The following COL6A5 variants were observed in gnomAD, a reference collection of about 807,000 sequenced individuals.
COL6A5 encodes collagen alpha-5(VI) chain.
In COL6A5, 48 loss-of-function variants were observed where a neutral mutation model predicts 65.6. That is an observed-to-expected ratio of 0.73 (90% confidence interval 0.58 to 0.93). COL6A5 has a LOEUF of 0.93. Ranked by LOEUF, COL6A5 falls within the 40% of genes least tolerant of loss-of-function variation. COL6A5 has a pLI of 0.00. For missense variants in COL6A5, 914 were observed against 928.3 expected, an observed-to-expected ratio of 0.98 and a Z score of 0.20; for synonymous variants, 291 against 322.8, an observed-to-expected ratio of 0.90 and a Z score of 1.05.
chr3:130,455,160 A>AAC (rs1553758596), intron 4 of COL6A5, among the ~76,000 whole-genome samples: 119 of 151,906 alleles, frequency 7.8e-4, no homozygotes, highest in Admixed American at 1.1e-3. Flanking sequence ...CAAAAAAAAA[A>AAC]AAACAAACAA....
intron 21 of COL6A5, among the ~76,000 whole-genome samples, chr3:130,413,842 T>G (rs563022191): frequency 6.6e-6 from 1 of 151,502 alleles, no homozygotes; most frequent in African/African-American, 2.4e-5. Flanking sequence ...CTGCTCTTCA[T>G]GTGCTTTGGG....
chr3:130,369,243 A>C (rs1935463461), intron 1 of COL6A5, among the ~76,000 whole-genome samples: 1 of 152,204 alleles, frequency 6.6e-6, no homozygotes, highest in Non-Finnish European at 1.5e-5. Flanking sequence ...GGAGAGAAAG[A>C]TAAATTAAAC....
intron 13 of COL6A5, among the ~76,000 whole-genome samples, chr3:130,404,015 A>G (rs921118407): frequency 2.6e-5 from 4 of 151,746 alleles, no homozygotes; most frequent in African/African-American, 9.7e-5. Flanking sequence ...CCTCCTCTCT[A>G]CCCCCAAGCA....
At chr3:130,405,148 A>G (rs1191729314) in intron 13 of COL6A5, among the ~76,000 whole-genome samples, 1 of 152,064 alleles carries the variant, frequency 6.6e-6, no homozygotes, top group Non-Finnish European at 1.5e-5. Flanking sequence ...TCATTCTCCT[A>G]GTAGTGTCAC....
intron 1 of COL6A5, among the ~76,000 whole-genome samples, chr3:130,438,434 A>G (rs1352086029): frequency 6.6e-6 from 1 of 152,174 alleles, no homozygotes; most frequent in African/African-American, 2.4e-5. Flanking sequence ...AATGAAGAGC[A>G]TGGGGTTTAC....
intron 3 of COL6A5, among the ~76,000 whole-genome samples, 159 bp from the exon 36 acceptor site, chr3:130,443,317 T>C (rs777362010): frequency 1.3e-5 from 2 of 152,188 alleles, no homozygotes; most frequent in Non-Finnish European, 2.9e-5. Context: ...TTTTGAGTGC[T>C]ATTTCTAACT....
At chr3:130,471,645 C>T (rs750911833) in intron 7 of COL6A5, 37 bp from the exon 40 acceptor site, 2 of 1,522,236 alleles carry the variant, frequency 1.3e-6, no homozygotes, top group South Asian at 2.5e-5. Context: ...GGGGACTTGG[C>T]TAACTAATTT....
intron 5 of COL6A5, among the ~76,000 whole-genome samples, chr3:130,467,711 C>A (rs1709849746): frequency 6.6e-6 from 1 of 151,962 alleles, no homozygotes; most frequent in Non-Finnish European, 1.5e-5. Context: ...GGGTATTTTT[C>A]TGGCATTTTA....
At chr3:130,348,370 G>A (rs952878543) in intron 1 of COL6A5, among the ~76,000 whole-genome samples, 3 of 152,140 alleles carry the variant, frequency 2.0e-5, no homozygotes, top group Admixed American at 6.5e-5. Flanking sequence ...GACAACATGC[G>A]GTGTTTGGTT....
intron 1 of COL6A5, among the ~76,000 whole-genome samples, chr3:130,370,982 A>C (rs1419592468): frequency 6.6e-6 from 1 of 152,172 alleles, no homozygotes; most frequent in Non-Finnish European, 1.5e-5. Flanking sequence ...ACTGAGCTTT[A>C]CTGGGTTGAG....
chr3:130,399,496 G>C (rs770003212), intron 10 of COL6A5, among the ~76,000 whole-genome samples: 1 of 151,378 alleles, frequency 6.6e-6, no homozygotes, highest in Non-Finnish European at 1.5e-5. Context: ...TCAGCCTCTG[G>C]AGTATCTGGG....
At chr3:130,437,578 A>G (rs899368793) in intron 1 of COL6A5, among the ~76,000 whole-genome samples, 4 of 152,138 alleles carry the variant, frequency 2.6e-5, no homozygotes, top group Non-Finnish European at 4.4e-5. Context: ...TAAGGTCTTT[A>G]CAATGGCTTG....
chr3:130,437,374 A>G (rs1454473302), intron 1 of COL6A5, among the ~76,000 whole-genome samples: 3 of 152,178 alleles, frequency 2.0e-5, no homozygotes, highest in Admixed American at 6.5e-5. Context: ...TAGTGTCTCT[A>G]TCTTTGACAT....
intron 3 of COL6A5, among the ~76,000 whole-genome samples, chr3:130,442,059 A>G (rs1709195424): frequency 6.6e-6 from 1 of 152,168 alleles, no homozygotes. Flanking sequence ...TGTGATTCAT[A>G]TTCAATTAAA....
At chr3:130,400,956 G>T in intron 10 of COL6A5, 75 bp from the exon 11 acceptor site, 1 of 1,203,140 alleles carries the variant, frequency 8.3e-7, no homozygotes, top group Admixed American at 3.3e-5. Context: ...TGTTCACTGA[G>T]TAGAATTATT....
chr3:130,368,544 A>AGT (rs111253199), intron 1 of COL6A5, among the ~76,000 whole-genome samples: 12,480 of 150,608 alleles, frequency 0.083, 975 homozygotes, highest in East Asian at 0.41. Context: ...TGTGTGTGAG[A>AGT]GAGTGTGTGT....
At chr3:130,476,414 AG>A (rs1710099302) in intron 7 of COL6A5, among the ~76,000 whole-genome samples, 2 of 152,240 alleles carry the variant, frequency 1.3e-5, no homozygotes, top group South Asian at 2.1e-4. Flanking sequence ...AGTTTATAGC[AG>A]GGGATATAAT....
At chr3:130,400,798 T>C (rs1339992564) in intron 10 of COL6A5, among the ~76,000 whole-genome samples, 4 of 152,212 alleles carry the variant, frequency 2.6e-5, no homozygotes, top group Non-Finnish European at 5.9e-5. Flanking sequence ...TTGAATACTT[T>C]TTATCAGGGG....
intron 17 of COL6A5, among the ~76,000 whole-genome samples, chr3:130,408,446 C>G (rs902089469): frequency 6.6e-6 from 1 of 152,118 alleles, no homozygotes; most frequent in Non-Finnish European, 1.5e-5. Flanking sequence ...TGTCTGCTCG[C>G]GAACACTGTT....
Sources: allele counts gnomAD v4.1 joint callset (sites outside exome capture counted in the v4.1 genomes callset), GRCh38; gene constraint gnomAD v4.1.1; transcripts MANE v1.5; gene names NCBI Gene and HGNC (gene_info 2026-07-23, HGNC 2026-07-21).